The following MICAL2 variants were observed in gnomAD, a reference collection of about 807,000 sequenced individuals.
MICAL2 encodes the protein microtubule associated monooxygenase, calponin and LIM domain containing 2, also known as [F-actin]-monooxygenase MICAL2.
In MICAL2, 77 loss-of-function variants were observed where a neutral mutation model predicts 127.3. That is an observed-to-expected ratio of 0.60 (90% CI 0.50 to 0.73). MICAL2 has a LOEUF of 0.73. Ranked by LOEUF, MICAL2 falls within the 30% of genes least tolerant of loss-of-function variation. The probability of loss-of-function intolerance (pLI) is 0.00; values close to 1 mark genes in which losing one functional copy is unlikely to be tolerated. For missense variants in MICAL2, 1,351 were observed against 1,434.4 expected, an observed-to-expected ratio of 0.94 and a Z score of 0.94; for synonymous variants, 570 against 551.1, an observed-to-expected ratio of 1.03 and a Z score of -0.48.
intron 8 of MICAL2, among the ~76,000 whole-genome samples, chr11:12,217,323 T>G (rs72866085): frequency 0.013 from 1,923 of 152,244 alleles, 27 homozygotes; most frequent in Non-Finnish European, 0.02. Context: ...CTGGGTGGCA[T>G]TAGTAACCCA....
At chr11:12,311,858 A>G (rs1864178061) in intron 29 of MICAL2, among the ~76,000 whole-genome samples, 2 of 152,184 alleles carry the variant, frequency 1.3e-5, no homozygotes, top group African/African-American at 2.4e-5. Flanking sequence ...AAATGAAGTC[A>G]TATAACCTAG....
intron 3 of MICAL2, among the ~76,000 whole-genome samples, chr11:12,182,553 C>G (rs1857607797): frequency 6.6e-6 from 1 of 152,206 alleles, no homozygotes; most frequent in Non-Finnish European, 1.5e-5. Flanking sequence ...TTCCCTTCCT[C>G]CCAACTCTGT....
At chr11:12,226,512 A>T in intron 14 of MICAL2, 142 bp downstream of exon 14, 1 of 733,548 alleles carries the variant, frequency 1.4e-6, no homozygotes. Context: ...AACAGGGGTG[A>T]CTCCACTCAC....
intron 1 of MICAL2, among the ~76,000 whole-genome samples, chr11:12,137,622 TG>T (rs1304613922): frequency 6.6e-6 from 1 of 152,232 alleles, no homozygotes; most frequent in South Asian, 2.1e-4. Context: ...AGTGTGTGTG[TG>T]GGGGGCACCA....
At chr11:12,284,290 G>T (rs1475435995) in intron 2 of MICAL2, among the ~76,000 whole-genome samples, 1 of 152,170 alleles carries the variant, frequency 6.6e-6, no homozygotes, top group Non-Finnish European at 1.5e-5. Context: ...GCAATGAAAT[G>T]ATATCATCAG....
intron 1 of MICAL2, among the ~76,000 whole-genome samples, chr11:12,130,742 C>T (rs145661441): frequency 3.4e-4 from 52 of 152,342 alleles, no homozygotes; most frequent in Admixed American, 9.2e-4. Context: ...GAGGGTGGTG[C>T]TTCTTAAGTG....
intron 29 of MICAL2, chr11:12,319,576 T>C: frequency 1.4e-6 from 1 of 708,640 alleles, no homozygotes; most frequent in African/African-American, 1.8e-5. Flanking sequence ...GCAGGTGCAG[T>C]GAGGGGAGGG....
intron 2 of MICAL2, among the ~76,000 whole-genome samples, chr11:12,154,682 G>A (rs1051856645): frequency 5.9e-5 from 9 of 152,082 alleles, no homozygotes; most frequent in African/African-American, 2.2e-4. Flanking sequence ...ATTTTCCCAT[G>A]GATTAAATGT....
At chr11:12,128,796 C>G (rs1851161100) in intron 1 of MICAL2, among the ~76,000 whole-genome samples, 1 of 152,196 alleles carries the variant, frequency 6.6e-6, no homozygotes. Flanking sequence ...CACTTACCAG[C>G]CATGTAAGTC....
intron 23 of MICAL2, chr11:12,256,075 C>T (rs1862288184): frequency 3.7e-6 from 1 of 269,616 alleles, no homozygotes; most frequent in Non-Finnish European, 7.1e-6. Flanking sequence ...GTTTAGTGTC[C>T]AACCTGAACA....
At chr11:12,323,145 T>C (rs566780397) in intron 30 of MICAL2, among the ~76,000 whole-genome samples, 93 of 152,314 alleles carry the variant, frequency 6.1e-4, no homozygotes, top group African/African-American at 2.1e-3. Flanking sequence ...ATCACTTCTT[T>C]TTGCTCTTGT....
upstream of MICAL2, among the ~76,000 whole-genome samples, chr11:12,275,299 G>A (rs763855975): frequency 2.3e-4 from 35 of 152,336 alleles, no homozygotes; most frequent in Non-Finnish European, 4.3e-4. Context: ...GTCTATATAA[G>A]TCTAGAATCA....
At chr11:12,294,983 T>A, downstream of MICAL2, 1 of 1,309,208 alleles carries the variant, frequency 7.6e-7, no homozygotes, top group Non-Finnish European at 9.8e-7. Context: ...GTAGGAAAAC[T>A]TTAAAGGCAA....
intron 24 of MICAL2, among the ~76,000 whole-genome samples, chr11:12,270,687 G>T (rs975947775): frequency 1.3e-5 from 2 of 152,172 alleles, no homozygotes; most frequent in Non-Finnish European, 2.9e-5. Context: ...TAGTTTTGCC[G>T]CTTTCTTTCT....
At chr11:12,161,245 G>T (rs1590126945) in intron 2 of MICAL2, among the ~76,000 whole-genome samples, 1 of 152,352 alleles carries the variant, frequency 6.6e-6, no homozygotes, top group South Asian at 2.1e-4. Flanking sequence ...AGGTTAGAAT[G>T]GTGCAGAAAG....
Position 12,235,368 on chromosome 11 carries a change from T to G in MICAL2, c.1996-809T>G, listed in dbSNP as rs77592292. Among the ~76,000 whole-genome samples, 796 of 152,222 alleles carry G rather than the reference T, an allele frequency of 5.2e-3. 6 individuals are homozygous for G. The highest frequency in any genetic ancestry group is 0.018 in the African/African-American group (757 of 41,534). On this transcript the variant is annotated intron_variant, in intron 15 of 27. Coordinates refer to ENST00000683283, the MANE Select transcript of MICAL2 (RefSeq NM_001282663.2). ...GGCTTTCTGGATTTCAATGCCCAGA[T>G]GCAGGCAGCAGAGAGTGGGCTGTGA...
At chr11:12,277,347 G>A (rs1361585121) in intron 1 of MICAL2, among the ~76,000 whole-genome samples, 19 of 152,060 alleles carry the variant, frequency 1.2e-4, no homozygotes, top group Admixed American at 1.2e-3. Context: ...CATGTCACAA[G>A]GCCTAAACAG....
rs554301278 is a variant in MICAL2, at chr11:12,257,089, T to C, written c.3142+118T>C. ...ACCCAAACATACCCAAAAGGAAGTA[T>C]GATGTCATCAGGAAAGCTGCTCAGG... On this transcript the variant is annotated intron_variant, in intron 24 of 27. Transcript: ENST00000683283. 4.8e-5 allele frequency: 54 copies of C among 1,127,494 alleles called. No individual in the cohort carries two copies. The South Asian group carries it at 9.0e-4, about 19-fold the overall frequency. 69.8% of individuals were successfully genotyped at this position (1,127,494 alleles called of 1,614,324 possible).
chr11:12,256,819 G>T lies in MICAL2; in HGVS notation c.2990G>T (p.Gly997Val). 1 of 1,613,778 alleles carries T rather than the reference G, an allele frequency of 6.2e-7. No homozygotes were observed. The highest frequency in any genetic ancestry group is 8.5e-7 in the Non-Finnish European group (1 of 1,179,772). Residue 997 changes from glycine (G) to valine (V), a missense_variant, in exon 24 of 28, where the codon GGA becomes GTA. This residue lies in a region of MICAL2 where 752 missense variants were observed against 719.4 expected (regional missense o/e 1.05). Coordinates refer to ENST00000683283, the MANE Select transcript of MICAL2 (RefSeq NM_001282663.2). The stretch of plus-strand genomic sequence containing the variant: ...CGAAAGTCATTTCCCCTTAACCTGG[G>T]AGGCAGCGACACGTGTTACTTCTGT... ...SMRKSFPLNL[G>V]GSDTCYFCKK...
Sources: gnomAD v4.1 joint callset for allele counts (sites outside exome capture counted in the v4.1 genomes callset) on GRCh38, gnomAD v4.1.1 for gene constraint, gnomAD v4.1.1 regional missense constraint, MANE v1.5 for transcripts, NCBI Gene and HGNC (gene_info 2026-07-23, HGNC 2026-07-21) for gene names.